The following UBE4B variants were observed in gnomAD, a reference collection of about 807,000 sequenced individuals.
The protein encoded by UBE4B is ubiquitin conjugation factor E4 B.
UBE4B carries 27 observed loss-of-function variants against 148.1 expected under a neutral mutation model. The ratio of observed to expected loss-of-function variants is 0.18; its 90% CI spans 0.13 to 0.25. The LOEUF is 0.25. Among genes scored for constraint, UBE4B ranks in the 10% least tolerant of loss-of-function variants. The probability of loss-of-function intolerance (pLI) is 1.00; values close to 1 mark genes in which losing one functional copy is unlikely to be tolerated. For missense variants in UBE4B, 1,170 were observed against 1,662.4 expected, an observed-to-expected ratio of 0.70 and a Z score of 5.15; for synonymous variants, 596 against 619.3, an observed-to-expected ratio of 0.96 and a Z score of 0.56.
intron 12 of UBE4B, 40 bp downstream of exon 12, chr1:10,129,488 T>G (rs1375834258): frequency 6.3e-7 from 1 of 1,590,886 alleles, no homozygotes; most frequent in Non-Finnish European, 8.6e-7. Flanking sequence ...TTTCAGTGAA[T>G]ATATCATAAC....
intron 1 of UBE4B, among the ~76,000 whole-genome samples, chr1:10,067,618 C>A (rs1644411955): frequency 6.6e-6 from 1 of 151,572 alleles, no homozygotes; most frequent in South Asian, 2.1e-4. Context: ...TAATTAGATA[C>A]ACTTTTTTTT....
intron 25 of UBE4B, among the ~76,000 whole-genome samples, chr1:10,173,298 G>A (rs1646364705): frequency 6.6e-6 from 1 of 151,966 alleles, no homozygotes; most frequent in African/African-American, 2.4e-5. Flanking sequence ...CTAACACGGT[G>A]AAACCCCGTC....
At chr1:10,056,046 A>G (rs1305739046) in intron 1 of UBE4B, among the ~76,000 whole-genome samples, 1 of 152,244 alleles carries the variant, frequency 6.6e-6, no homozygotes, top group East Asian at 1.9e-4. Context: ...ATCCACTTCT[A>G]TCCCCTGGGA....
At chr1:10,086,117 G>A (rs1192351351) in intron 2 of UBE4B, among the ~76,000 whole-genome samples, 13 of 151,684 alleles carry the variant, frequency 8.6e-5, no homozygotes, top group Admixed American at 1.3e-4. Context: ...GACTACAGGC[G>A]CCCGCCACCA....
At chr1:10,072,620 T>C in intron 2 of UBE4B, 1 of 640,854 alleles carries the variant, frequency 1.6e-6, no homozygotes, top group South Asian at 1.8e-5. Flanking sequence ...TCATTCTGCA[T>C]TGGCACAGAA....
intron 11 of UBE4B, among the ~76,000 whole-genome samples, chr1:10,127,495 C>T (rs1161733305): frequency 6.6e-6 from 1 of 152,164 alleles, no homozygotes; most frequent in Non-Finnish European, 1.5e-5. Flanking sequence ...TTAGAAGCTC[C>T]TTTCTGTTCT....
chr1:10,064,010 A>G (rs1644337883), intron 1 of UBE4B, among the ~76,000 whole-genome samples: 1 of 151,890 alleles, frequency 6.6e-6, no homozygotes, highest in South Asian at 2.1e-4. Flanking sequence ...TCAGTGTCTT[A>G]GGATGGTATT....
At chr1:10,066,624 T>C (rs1644392331) in intron 1 of UBE4B, among the ~76,000 whole-genome samples, 1 of 152,016 alleles carries the variant, frequency 6.6e-6, no homozygotes, top group Non-Finnish European at 1.5e-5. Flanking sequence ...TAGGAGTTAT[T>C]GGCCAGGCAG....
At chr1:10,171,788 G>A (rs984571792) in intron 25 of UBE4B, among the ~76,000 whole-genome samples, 4 of 152,176 alleles carry the variant, frequency 2.6e-5, no homozygotes, top group Admixed American at 1.3e-4. Flanking sequence ...GGCTGAGGCA[G>A]GAGAATCGCT....
chr1:10,074,133 T>C (rs1238877625), intron 2 of UBE4B, among the ~76,000 whole-genome samples: 3 of 151,978 alleles, frequency 2.0e-5, no homozygotes, highest in Non-Finnish European at 4.4e-5. Flanking sequence ...AGAAAACAGA[T>C]GCAGGCAGAA....
chr1:10,040,583 C>T (rs988538486), intron 1 of UBE4B, among the ~76,000 whole-genome samples: 15 of 151,544 alleles, frequency 9.9e-5, no homozygotes, highest in Admixed American at 4.6e-4. Context: ...CCACTCTGGC[C>T]TTGGTGCTCT....
rs918773053 is a variant in UBE4B at position 10,168,762 on chromosome 1, G to A, written c.3333+492G>A. Among the ~76,000 whole-genome samples, 5 of 151,900 alleles carry A rather than the reference G, an allele frequency of 3.3e-5. No individual in the cohort carries two copies. Among genetic ancestry groups the A allele is most frequent in the African/African-American group, 1.2e-4 (5 of 41,358 alleles). On this transcript the variant is annotated intron_variant, in intron 24 of 27. Transcript: ENST00000343090. This position sits in a 1 kb window ranked among gnomAD's most constrained non-coding sequence, Gnocchi z 4.9. ...AAAAAATTAGCTGGGCGTGGTGGTGGGCACCTGTAGTCCCAGCTACTCAGG... is the reference window on the plus strand; with the variant it reads ...AAAAAATTAGCTGGGCGTGGTGGTGAGCACCTGTAGTCCCAGCTACTCAGG...
intron 3 of UBE4B, among the ~76,000 whole-genome samples, chr1:10,100,290 A>G (rs768608385): frequency 2.5e-4 from 38 of 151,762 alleles, no homozygotes; most frequent in Middle Eastern, 3.2e-3. Flanking sequence ...TGCCTGGCCT[A>G]TTTTCTCAAT....
chr1:10,123,522 T>C (rs901975554), intron 10 of UBE4B, among the ~76,000 whole-genome samples: 2 of 152,016 alleles, frequency 1.3e-5, no homozygotes, highest in Non-Finnish European at 2.9e-5. Flanking sequence ...AGAATACTTT[T>C]CCTATTCAAG....
At chr1:10,125,007 T>C (rs1645469307) in intron 10 of UBE4B, among the ~76,000 whole-genome samples, 1 of 152,134 alleles carries the variant, frequency 6.6e-6, no homozygotes, top group African/African-American at 2.4e-5. Flanking sequence ...ATGCCTGTAG[T>C]CCCAGCTACT....
intron 1 of UBE4B, among the ~76,000 whole-genome samples, chr1:10,070,372 G>A (rs1199485094): frequency 1.3e-5 from 2 of 149,882 alleles, no homozygotes; most frequent in Non-Finnish European, 3.0e-5. Context: ...ATTACTCATA[G>A]TTGTAAGTAT....
intron 27 of UBE4B, 37 bp from the exon 28 acceptor site, chr1:10,179,858 A>G: frequency 1.2e-6 from 2 of 1,610,560 alleles, no homozygotes; most frequent in Non-Finnish European, 8.5e-7. Context: ...GAGCCCTCCC[A>G]TCTGGGGCAT....
At chr1:10,116,932 G>A (rs1276608230) in intron 7 of UBE4B, among the ~76,000 whole-genome samples, 3 of 152,196 alleles carry the variant, frequency 2.0e-5, no homozygotes, top group Non-Finnish European at 4.4e-5. Flanking sequence ...TTTTTATGTC[G>A]ATAGCAAATA....
rs1164837244 is a variant in UBE4B, at chr1:10,180,814, T to C, written c.*858T>C. 1 of 152,422 alleles carries C rather than the reference T, an allele frequency of 6.6e-6. No homozygotes were observed. Among genetic ancestry groups the C allele is most frequent in the Non-Finnish European group, 1.5e-5 (1 of 67,996 alleles). 9.4% of individuals were successfully genotyped at this position (152,422 alleles called of 1,614,324 possible). A position where few individuals can be genotyped will look rare whatever the true frequency, so the allele number is the denominator to read the frequency against. On this transcript the variant is annotated 3_prime_UTR_variant, in exon 28 of 28. Transcript: ENST00000343090. The stretch of plus-strand genomic sequence containing the variant: ...GATGAGGGTTGGGTTTTTTTTTTAA[T>C]GCTACGTGACAGTTTGAAACCTTCA...
Sources: gnomAD v4.1 joint callset for allele counts (sites outside exome capture counted in the v4.1 genomes callset) on GRCh38, gnomAD v4.1.1 for gene constraint, Gnocchi (gnomAD v3.1) non-coding constraint, MANE v1.5 for transcripts, NCBI Gene and HGNC (gene_info 2026-07-23, HGNC 2026-07-21) for gene names.